Variants in ITIH5 observed in about 807,000 individuals in gnomAD.
ITIH5 encodes inter-alpha-trypsin inhibitor heavy chain H5.
A neutral mutation model predicts 77.5 loss-of-function variants in ITIH5; 65 were observed. That is an observed-to-expected ratio of 0.84 (90% confidence interval 0.69 to 1.03). The LOEUF (loss-of-function observed/expected upper bound fraction) is 1.03, where lower values mean the gene tolerates loss of function less well. ITIH5 is among the 50% of genes least tolerant of loss of function. ITIH5 has a pLI of 0.00. For synonymous variants in ITIH5, 525 were observed against 494.3 expected (o/e 1.06, Z -0.82); for missense variants, 1,208 against 1,213.1 (o/e 1.00, Z 0.06).
At chr10:7,631,783 T>C (rs1256242531) in intron 5 of ITIH5, among the ~76,000 whole-genome samples, 1 of 151,854 alleles carries the variant, frequency 6.6e-6, no homozygotes, top group East Asian at 1.9e-4. Context: ...GAAACAACTT[T>C]GTTTAATTTT....
chr10:7,655,838 A>G (rs1295997842), intron 1 of ITIH5, among the ~76,000 whole-genome samples, 163 bp from the exon 2 acceptor site: 1 of 152,240 alleles, frequency 6.6e-6, no homozygotes, highest in Non-Finnish European at 1.5e-5. Flanking sequence ...ACTTTTTATC[A>G]GGGAGTTTGT....
chr10:7,602,577 C>G (rs1588391205), intron 7 of ITIH5, among the ~76,000 whole-genome samples: 1 of 152,158 alleles, frequency 6.6e-6, no homozygotes, highest in East Asian at 1.9e-4. Flanking sequence ...AAGGTTCCTG[C>G]TTCTCCTTTG....
At chr10:7,627,317 T>A (rs967160607) in intron 5 of ITIH5, among the ~76,000 whole-genome samples, 17 of 96,478 alleles carry the variant, frequency 1.8e-4, no homozygotes, top group South Asian at 6.8e-4. Context: ...AAAAAGAAAA[T>A]AAGAAGATAA....
At chr10:7,581,856 C>A (rs1289408708) in intron 8 of ITIH5, among the ~76,000 whole-genome samples, 1 of 146,346 alleles carries the variant, frequency 6.8e-6, no homozygotes, top group East Asian at 2.0e-4. Flanking sequence ...GCCACCATGC[C>A]CGGCCACCCA....
chr10:7,600,402 G>C (rs1344299008), intron 7 of ITIH5: 1 of 384,704 alleles, frequency 2.6e-6, no homozygotes, highest in Non-Finnish European at 5.1e-6. Flanking sequence ...TTCTCAAAGT[G>C]ACCACAACTG....
In ITIH5 at chr10:7,607,751, T is replaced by C. The variant is rs185819255; in HGVS notation, c.939+8231A>G. ...ATTGCTTGAACCCAGGAGGCGGAGG[T>C]TGCAGTGAGCTGAGATAGCGCCATT... On this transcript the variant is annotated intron_variant, in intron 7 of 13. Coordinates refer to ENST00000397146, the MANE Select transcript of ITIH5 (RefSeq NM_030569.7). Among the ~76,000 whole-genome samples the C allele has an allele frequency of 2.5e-3, 386 of 152,190 alleles. 1 individual carries two copies. Among genetic ancestry groups the C allele is most frequent in the African/African-American group, 9.0e-3 (373 of 41,518 alleles).
intron 5 of ITIH5, chr10:7,620,870 A>AC (rs5782990): frequency 0.15 from 22,522 of 152,112 alleles, 1,752 homozygotes; most frequent in East Asian, 0.25. Flanking sequence ...CGCCTTCACA[A>AC]CCCATCCCAT....
intron 2 of ITIH5, among the ~76,000 whole-genome samples, chr10:7,646,905 C>T (rs1426831696): frequency 3.3e-5 from 5 of 152,192 alleles, no homozygotes; most frequent in African/African-American, 1.2e-4. Context: ...TTCTATCATA[C>T]TCTACTGGTC....
Position 7,563,032 on chromosome 10 carries a change from C to T in ITIH5, c.*51G>A, listed in dbSNP as rs746989629. 6.5e-7 allele frequency: 1 copy of T among 1,543,200 alleles called. No individual in the cohort carries two copies. The highest frequency in any genetic ancestry group is 1.4e-5 in the African/African-American group (1 of 74,012). On this transcript the variant is annotated 3_prime_UTR_variant, in exon 14 of 14. Transcript: ENST00000397146. The stretch of plus-strand genomic sequence containing the variant: ...AGCCATGAAAAGAGCTGCCCCACGG[C>T]CTCCCCACATCACTGTCCTTCATGC...
intron 5 of ITIH5, among the ~76,000 whole-genome samples, chr10:7,631,959 GTA>G (rs1274142079): frequency 9.4e-6 from 1 of 106,194 alleles, no homozygotes; most frequent in Non-Finnish European, 1.8e-5. Context: ...GCTAATTTTT[GTA>G]TTTTTTTTTT....
At chr10:7,663,205 G>A (rs933645406) in intron 1 of ITIH5, among the ~76,000 whole-genome samples, 1 of 152,184 alleles carries the variant, frequency 6.6e-6, no homozygotes, top group Non-Finnish European at 1.5e-5. Flanking sequence ...CACATAGTAG[G>A]TTGTTGCAGC....
At chr10:7,635,647 GCTCAGT>G (rs1317744612) in intron 5 of ITIH5, among the ~76,000 whole-genome samples, 6 of 152,160 alleles carry the variant, frequency 3.9e-5, no homozygotes, top group Non-Finnish European at 8.8e-5. Context: ...GCCAGGAAAC[GCTCAGT>G]CTGTGAGAGT....
At chr10:7,582,880 T>C (rs1832595439) in intron 8 of ITIH5, among the ~76,000 whole-genome samples, 1 of 152,088 alleles carries the variant, frequency 6.6e-6, no homozygotes, top group Non-Finnish European at 1.5e-5. Flanking sequence ...GGATAGTTAA[T>C]GGGTACAAAA....
At chr10:7,577,154 T>C in intron 9 of ITIH5, 142 bp from the exon 10 acceptor site, 1 of 650,828 alleles carries the variant, frequency 1.5e-6, no homozygotes, top group Admixed American at 3.1e-5. Context: ...CCCCACACAA[T>C]ATTTCTGCCA....
In ITIH5 at chr10:7,580,827, C is replaced by T. The variant is rs143949091; in HGVS notation, c.1109-763G>A. ...GAAAGAATGAATTTGTTGCCTTCAT[C>T]GTCTCTCCTTTCTTTGCTTCCTGTC... On this transcript the variant is annotated intron_variant, in intron 8 of 13. Coordinates refer to ENST00000397146, the MANE Select transcript of ITIH5 (RefSeq NM_030569.7). Among the ~76,000 whole-genome samples, 77 of 152,280 alleles carry T rather than the reference C, an allele frequency of 5.1e-4. 1 individual carries two copies. In the East Asian group the frequency reaches 0.012, roughly 24 times the overall value.
At chr10:7,568,728 T>C (rs747287592) in intron 12 of ITIH5, among the ~76,000 whole-genome samples, 2 of 152,222 alleles carry the variant, frequency 1.3e-5, no homozygotes, top group Non-Finnish European at 2.9e-5. Context: ...GAGCTGGACA[T>C]GGTTTGTTAC....
At chr10:7,599,585 C>T (rs965430254) in intron 7 of ITIH5, among the ~76,000 whole-genome samples, 1 of 152,272 alleles carries the variant, frequency 6.6e-6, no homozygotes, top group Non-Finnish European at 1.5e-5. Context: ...TTGACCTGAT[C>T]GCCTTTCCCT....
intron 7 of ITIH5, among the ~76,000 whole-genome samples, chr10:7,614,331 CT>C (rs1318916900): frequency 1.3e-5 from 2 of 152,186 alleles, no homozygotes; most frequent in African/African-American, 4.8e-5. Context: ...TATTTTCCCC[CT>C]ACATTAGTTC....
At chr10:7,662,825 T>C (rs893215556) in intron 1 of ITIH5, among the ~76,000 whole-genome samples, 2 of 152,238 alleles carry the variant, frequency 1.3e-5, no homozygotes, top group Non-Finnish European at 2.9e-5. Flanking sequence ...GAGACGTTAT[T>C]GAATGGCCAG....
Sources: gnomAD v4.1 joint callset for allele counts (sites outside exome capture counted in the v4.1 genomes callset) on GRCh38, gnomAD v4.1.1 for gene constraint, MANE v1.5 for transcripts, NCBI Gene and HGNC (gene_info 2026-07-23, HGNC 2026-07-21) for gene names.